GNG5: variants seen among roughly 807,000 people sequenced by gnomAD.
GNG5 encodes the protein guanine nucleotide-binding protein G(I)/G(S)/G(O) subunit gamma-5.
Under a neutral mutation model 6.2 loss-of-function variants are expected in GNG5, and 2 were observed. That is an observed-to-expected ratio of 0.32 (90% CI 0.13 to 1.01). GNG5 has a LOEUF of 1.01. Among genes scored for constraint, GNG5 ranks in the 50% least tolerant of loss-of-function variants. The pLI, the probability that GNG5 is intolerant of heterozygous loss-of-function variation, is 0.48. For missense variants in GNG5, 57 were observed against 80.2 expected (o/e 0.71, Z 1.10); for synonymous variants, 24 against 33.0 (o/e 0.73, Z 0.93).
At position 84,500,104 on chromosome 1, in the gene GNG5, C is replaced by A. The variant is rs113989801; in HGVS notation, c.*20-1556G>T. 1.9e-4 allele frequency among the ~76,000 whole-genome samples: 29 copies of A among 152,268 alleles called. 1 individual carries two copies. Among genetic ancestry groups the A allele is most frequent in the African/African-American group, 6.3e-4 (26 of 41,544 alleles). The stretch of plus-strand genomic sequence containing the variant: ...TATATACATAACTCCAATGTAGATT[C>A]TTTACATTCATGCCACTCAGTGTAG... On this transcript the variant is annotated intron_variant, in intron 3 of 3. Coordinates refer to ENST00000370645, the MANE Select transcript of GNG5 (RefSeq NM_005274.3).
intron 3 of GNG5, among the ~76,000 whole-genome samples, chr1:84,499,244 A>C (rs1305764372): frequency 6.6e-6 from 1 of 152,228 alleles, no homozygotes; most frequent in Non-Finnish European, 1.5e-5. Flanking sequence ...CAAAAGTGTT[A>C]ATCTGAGATA....
At chr1:84,503,382 AT>A (rs1483204512) in intron 2 of GNG5, among the ~76,000 whole-genome samples, 1 of 152,180 alleles carries the variant, frequency 6.6e-6, no homozygotes, top group African/African-American at 2.4e-5. Context: ...CAACCTAATA[AT>A]TCTTCATCCT....
Position 84,505,934 on chromosome 1 carries a change from G to A in GNG5, c.81+77C>T, listed in dbSNP as rs1682193604. The A allele has an allele frequency of 6.8e-6, 6 of 886,632 alleles. No individual in the cohort carries two copies. The South Asian group carries it at 1.0e-4, about 15-fold the overall frequency. 54.9% of individuals were successfully genotyped at this position (886,632 alleles called of 1,614,324 possible). A position where few individuals can be genotyped will look rare whatever the true frequency, so the allele number is the denominator to read the frequency against. On this transcript the variant is annotated intron_variant, in intron 2 of 3. Transcript: ENST00000370645. ...GCGAGGGCCGGCGCGTGTCCCGCCC[G>A]CCCCCGCCAGCTGGGCCGCCGGATC...
chr1:84,505,951 C>A (rs941156961), intron 2 of GNG5, 60 bp downstream of exon 2: 66 of 1,236,146 alleles, frequency 5.3e-5, no homozygotes, highest in Non-Finnish European at 2.8e-5. Context: ...CCAGCTGGGC[C>A]GCCGGATCCC....
chr1:84,502,080 T>A, intron 2 of GNG5, 110 bp from the exon 3 acceptor site: 1 of 708,736 alleles, frequency 1.4e-6, no homozygotes, highest in Non-Finnish European at 2.4e-6. Flanking sequence ...CTTCTCTTGC[T>A]TCAAAAGAAG....
chr1:84,499,091 G>T (rs1056233980), intron 3 of GNG5, among the ~76,000 whole-genome samples: 5 of 152,054 alleles, frequency 3.3e-5, no homozygotes, highest in African/African-American at 1.2e-4. Flanking sequence ...AATAAGTTAT[G>T]TTTTCAAACC....
chr1:84,501,819 A>C lies in GNG5; in HGVS notation c.*19+7T>G. The C allele has an allele frequency of 6.3e-7, 1 of 1,584,832 alleles. No individual in the cohort carries two copies. Among genetic ancestry groups the C allele is most frequent in the Non-Finnish European group, 8.7e-7 (1 of 1,155,660 alleles). ...TGGGTTTTTGTTTTAAATTTAAGGAAACTTACCTTTGAAAGATTCATTTTA... is the reference window on the plus strand; with the variant it reads ...TGGGTTTTTGTTTTAAATTTAAGGACACTTACCTTTGAAAGATTCATTTTA... On this transcript the variant is annotated splice_region_variant and intron_variant, in intron 3 of 3. Transcript: ENST00000370645.
In GNG5 at chr1:84,506,041, G is replaced by A. The variant is rs778262616; in HGVS notation, c.51C>T (p.Leu17=). 1.9e-6 allele frequency: 3 copies of A among 1,575,074 alleles called. No individual in the cohort carries two copies. Among genetic ancestry groups the A allele is most frequent in the Non-Finnish European group, 2.6e-6 (3 of 1,163,016 alleles). ...CGCGGTTGAGTCCGGCCTCCAGCCG[G>A]AGCTGTTGAACCACTTTCTTCATAG... is the stretch of plus-strand genomic sequence containing the variant. ...VAAMKKVVQQ[L]RLEAGLNRVK... is the part of the protein sequence containing the mutation. Residue 17 remains leucine (L), a synonymous_variant, in exon 2 of 4, where the codon CTC becomes CTT. Transcript: ENST00000370645.
chr1:84,501,428 T>G (rs17110485), intron 3 of GNG5, among the ~76,000 whole-genome samples: 9,462 of 152,266 alleles, frequency 0.062, 402 homozygotes, highest in African/African-American at 0.11. Context: ...TACTTTAAGT[T>G]ATCCCCATAA....
At chr1:84,501,761 C>T in intron 3 of GNG5, 65 bp downstream of exon 3, 1 of 983,616 alleles carries the variant, frequency 1.0e-6, no homozygotes, top group Non-Finnish European at 1.6e-6. Context: ...TTAAGTGCTG[C>T]AAAGAAAGAG....
chr1:84,499,049 A>G (rs192019501), intron 3 of GNG5, among the ~76,000 whole-genome samples: 22 of 152,364 alleles, frequency 1.4e-4, no homozygotes, highest in African/African-American at 5.3e-4. Flanking sequence ...CATATGATGG[A>G]ATACAAAGCT....
At chr1:84,505,907 A>C in intron 2 of GNG5, 104 bp downstream of exon 2, 1 of 788,954 alleles carries the variant, frequency 1.3e-6, no homozygotes, top group Non-Finnish European at 1.8e-6. Context: ...TCTCCAGGGG[A>C]AGCGAGGGCC....
At chr1:84,501,682 C>T (rs1387180418) in intron 3 of GNG5, 144 bp downstream of exon 3, 2 of 589,106 alleles carry the variant, frequency 3.4e-6, no homozygotes, top group East Asian at 2.8e-5. Context: ...TTCATGAATC[C>T]TCACTTTCCT....
intron 3 of GNG5, among the ~76,000 whole-genome samples, chr1:84,500,212 G>A (rs1682028148): frequency 6.6e-6 from 1 of 152,214 alleles, no homozygotes; most frequent in Non-Finnish European, 1.5e-5. Context: ...TTCTGAATTA[G>A]AATTTGCATT....
rs1682243591 is a variant in GNG5, at chr1:84,506,418, G to A, written c.-211+18C>T. 1 of 197,498 alleles carries A rather than the reference G, an allele frequency of 5.1e-6. No individual in the cohort carries two copies. The highest frequency in any genetic ancestry group is 1.1e-4 in the South Asian group (1 of 9,264). 12.2% of individuals were successfully genotyped at this position (197,498 alleles called of 1,614,324 possible). A position where few individuals can be genotyped will look rare whatever the true frequency, so the allele number is the denominator to read the frequency against. Reference sequence around the variant, plus strand: ...TCTCCAGAGGGGCCGATTAGGGAGAGGTAAGGAGAGAGCTTACCGTTAGCC... The same window carrying A: ...TCTCCAGAGGGGCCGATTAGGGAGAAGTAAGGAGAGAGCTTACCGTTAGCC... On this transcript the variant is annotated intron_variant, in intron 1 of 3. Coordinates refer to ENST00000370645, the MANE Select transcript of GNG5 (RefSeq NM_005274.3).
chr1:84,503,782 C>T (rs1250863079), intron 2 of GNG5: 1 of 152,184 alleles, frequency 6.6e-6, no homozygotes, highest in African/African-American at 2.4e-5. Context: ...TGTTATGGAG[C>T]TAACAGTTCA....
intron 2 of GNG5, chr1:84,503,759 G>C (rs1192472104): frequency 2.0e-5 from 3 of 152,228 alleles, no homozygotes; most frequent in East Asian, 3.8e-4. Context: ...CATAAGAACA[G>C]CCAGAGCCCT....
At chr1:84,502,001 A>C (rs1160769184) in intron 2 of GNG5, 31 bp from the exon 3 acceptor site, 2 of 1,579,898 alleles carry the variant, frequency 1.3e-6, no homozygotes, top group Non-Finnish European at 1.7e-6. Flanking sequence ...GGGAAGTGCC[A>C]GATGGTGAGA....
chr1:84,500,470 T>C (rs1009205723), intron 3 of GNG5, among the ~76,000 whole-genome samples: 1 of 152,218 alleles, frequency 6.6e-6, no homozygotes, highest in African/African-American at 2.4e-5. Flanking sequence ...CTGCCCAGTA[T>C]TTTATTCAAA....
Sources: allele counts gnomAD v4.1 joint callset (sites outside exome capture counted in the v4.1 genomes callset), GRCh38; gene constraint gnomAD v4.1.1; transcripts MANE v1.5; gene names NCBI Gene and HGNC (gene_info 2026-07-23, HGNC 2026-07-21).